Variants in GNAQ observed in about 807,000 individuals in gnomAD.
GNAQ encodes the protein G protein subunit alpha q, also known as guanine nucleotide-binding protein G(q) subunit alpha.
Under a neutral mutation model 43.9 loss-of-function variants are expected in GNAQ, and 8 were observed. The observed-to-expected ratio is 0.18, with a 90% CI of 0.11 to 0.33. GNAQ has a LOEUF of 0.33. Ranked by LOEUF, GNAQ falls within the 10% of genes least tolerant of loss-of-function variation. The pLI is 1.00. For synonymous variants in GNAQ, 155 were observed against 170.7 expected (o/e 0.91, Z 0.71); for missense variants, 158 against 450.8 (o/e 0.35, Z 5.88).
At chr9:77,742,126 G>A (rs187618584) in intron 5 of GNAQ, among the ~76,000 whole-genome samples, 7 of 152,272 alleles carry the variant, frequency 4.6e-5, no homozygotes, top group Admixed American at 6.5e-5. Context: ...GTGTCACTAC[G>A]TTGACTTACT....
chr9:78,031,191 G>C lies in GNAQ; in HGVS notation c.45C>G (p.Ala15=). Residue 15 remains alanine, a synonymous_variant, in exon 1 of 7, where the codon GCC becomes GCG. Coordinates refer to ENST00000286548, the MANE Select transcript of GNAQ (RefSeq NM_002072.5). ...CGTCGTTGATCCGCCGGGCTTCCTT[G>C]GCCTCCTCGCTCAGGCAGCACGCCA... ...SIMACCLSEE[A]KEARRINDEI... is the part of the protein sequence containing the mutation. The C allele has an allele frequency of 7.7e-6, 12 of 1,554,126 alleles. No individual in the cohort carries two copies. The highest frequency in any genetic ancestry group is 1.0e-5 in the Non-Finnish European group (12 of 1,150,316).
chr9:77,959,795 A>G (rs1243534256), intron 1 of GNAQ, among the ~76,000 whole-genome samples: 3 of 152,284 alleles, frequency 2.0e-5, no homozygotes, highest in East Asian at 3.9e-4. Context: ...CTACAAATCT[A>G]TATGCCAATC....
intron 2 of GNAQ, among the ~76,000 whole-genome samples, chr9:77,920,453 C>G (rs984263889): frequency 6.6e-6 from 1 of 152,028 alleles, no homozygotes; most frequent in Admixed American, 6.5e-5. Context: ...TTCATCAGAT[C>G]ATCATATTAT....
At chr9:77,868,935 C>T (rs940455527) in intron 2 of GNAQ, among the ~76,000 whole-genome samples, 6 of 152,142 alleles carry the variant, frequency 3.9e-5, no homozygotes, top group Admixed American at 2.0e-4. Flanking sequence ...TGCAGTGAGC[C>T]GAGATCATGC....
At chr9:77,770,905 G>C (rs78972565) in intron 5 of GNAQ, among the ~76,000 whole-genome samples, 4,601 of 152,072 alleles carry the variant, frequency 0.03, 188 homozygotes, top group African/African-American at 0.098. Flanking sequence ...TTCAGATCAT[G>C]AAAAATAAAA....
At chr9:77,947,471 G>C (rs1280557103) in intron 1 of GNAQ, among the ~76,000 whole-genome samples, 1 of 152,212 alleles carries the variant, frequency 6.6e-6, no homozygotes, top group Non-Finnish European at 1.5e-5. Flanking sequence ...GACTGGTTGT[G>C]TATGCATGTG....
rs571144542 is a variant in GNAQ at position 77,716,672 on chromosome 9, G to A, written c.*4651C>T. 8.6e-6 allele frequency: 2 copies of A among 232,794 alleles called. No individual in the cohort carries two copies. Among genetic ancestry groups the A allele is most frequent in the Admixed American group, 1.1e-4 (2 of 17,778 alleles). 14.4% of individuals were successfully genotyped at this position (232,794 alleles called of 1,614,324 possible). A position where few individuals can be genotyped will look rare whatever the true frequency, so the allele number is the denominator to read the frequency against. On this transcript the variant is annotated 3_prime_UTR_variant, in exon 7 of 7. Coordinates refer to ENST00000286548, the MANE Select transcript of GNAQ (RefSeq NM_002072.5). ...CAACGAATACCTTTCTGTTTTTTCT[G>A]TCTACCAAAAGCTTATATAAAAGTC...
intron 3 of GNAQ, among the ~76,000 whole-genome samples, chr9:77,798,294 G>A (rs924614786): frequency 4.6e-5 from 7 of 152,138 alleles, no homozygotes; most frequent in African/African-American, 1.4e-4. Flanking sequence ...TATGATACTT[G>A]ATACTTTTCC....
chr9:78,020,791 T>C (rs1420125435), intron 1 of GNAQ, among the ~76,000 whole-genome samples: 1 of 152,132 alleles, frequency 6.6e-6, no homozygotes, highest in Non-Finnish European at 1.5e-5. Flanking sequence ...TTACCCTATG[T>C]CTGTTCTTTT....
chr9:77,781,772 C>CAT (rs1290719626), intron 5 of GNAQ, among the ~76,000 whole-genome samples: 1 of 151,990 alleles, frequency 6.6e-6, no homozygotes, highest in Non-Finnish European at 1.5e-5. Flanking sequence ...ATCATAGGGT[C>CAT]ATATCAACAG....
chr9:77,920,685 G>A (rs1306438974), intron 2 of GNAQ, among the ~76,000 whole-genome samples: 1 of 152,062 alleles, frequency 6.6e-6, no homozygotes, highest in Non-Finnish European at 1.5e-5. Flanking sequence ...TCACAAACTT[G>A]CACAGTTCTT....
At chr9:77,879,350 G>A (rs552417179) in intron 2 of GNAQ, among the ~76,000 whole-genome samples, 7 of 151,874 alleles carry the variant, frequency 4.6e-5, no homozygotes, top group Admixed American at 2.6e-4. Flanking sequence ...TGCAACCTCC[G>A]CCTCCCGGGT....
chr9:77,735,575 G>A (rs1825564740), intron 5 of GNAQ, among the ~76,000 whole-genome samples: 1 of 152,176 alleles, frequency 6.6e-6, no homozygotes, highest in Admixed American at 6.5e-5. Flanking sequence ...AAAGCTTGCT[G>A]TGTCTGACTT....
intron 2 of GNAQ, among the ~76,000 whole-genome samples, chr9:77,827,383 T>TCA (rs1491391303): frequency 1.2e-4 from 16 of 129,194 alleles, no homozygotes; most frequent in African/African-American, 4.3e-4. Flanking sequence ...TTTAAATAAC[T>TCA]AAAAAAAAAA....
intron 2 of GNAQ, among the ~76,000 whole-genome samples, chr9:77,884,657 A>G (rs1828272498): frequency 6.6e-6 from 1 of 152,152 alleles, no homozygotes; most frequent in Non-Finnish European, 1.5e-5. Flanking sequence ...GGCTGCTCTT[A>G]ATAAGGTCAT....
At chr9:77,850,437 G>T (rs966890492) in intron 2 of GNAQ, among the ~76,000 whole-genome samples, 2 of 152,046 alleles carry the variant, frequency 1.3e-5, no homozygotes, top group African/African-American at 4.8e-5. Flanking sequence ...TCCTGCTCGG[G>T]CCACAGCAAC....
chr9:77,812,488 T>C (rs1826943983), intron 3 of GNAQ, among the ~76,000 whole-genome samples: 1 of 152,142 alleles, frequency 6.6e-6, no homozygotes, highest in Admixed American at 6.6e-5. Flanking sequence ...GCAAGCTAAA[T>C]CATACTATGA....
chr9:77,942,070 T>G (rs2118346106), intron 1 of GNAQ, among the ~76,000 whole-genome samples: 1 of 152,168 alleles, frequency 6.6e-6, no homozygotes, highest in African/African-American at 2.4e-5. Context: ...TTTTCCCAAT[T>G]TAACAAATTA....
chr9:78,012,597 C>A (rs1823787518), intron 1 of GNAQ, among the ~76,000 whole-genome samples: 1 of 151,832 alleles, frequency 6.6e-6, no homozygotes, highest in African/African-American at 2.4e-5. Context: ...TATAATCTAG[C>A]CAACTCATAG....
Sources: gnomAD v4.1 joint callset for allele counts (sites outside exome capture counted in the v4.1 genomes callset) on GRCh38, gnomAD v4.1.1 for gene constraint, MANE v1.5 for transcripts, NCBI Gene and HGNC (gene_info 2026-07-23, HGNC 2026-07-21) for gene names.